GCN1: variants seen among roughly 807,000 people sequenced by gnomAD.
GCN1 encodes the protein GCN1 activator of EIF2AK4.
GCN1 carries 90 observed loss-of-function variants against 288.4 expected under a neutral mutation model. That is an observed-to-expected ratio of 0.31 (90% confidence interval 0.26 to 0.37). The LOEUF (loss-of-function observed/expected upper bound fraction) is 0.37, where lower values mean the gene tolerates loss of function less well. Ranked by LOEUF, GCN1 falls within the 10% of genes least tolerant of loss-of-function variation. GCN1 has a pLI of 1.00. For synonymous variants in GCN1, 1,386 were observed against 1,420.2 expected, an observed-to-expected ratio of 0.98 and a Z score of 0.54; for missense variants, 2,586 against 3,419.9, an observed-to-expected ratio of 0.76 and a Z score of 6.08.
chr12:120,164,836 G>T, intron 16 of GCN1, 115 bp from the exon 17 acceptor site: 2 of 599,878 alleles, frequency 3.3e-6, no homozygotes, highest in East Asian at 3.0e-5. Context: ...ATATAAATGT[G>T]ATTATCACTC....
At chr12:120,141,161 C>T (rs1408171057) in intron 44 of GCN1, 138 bp from the exon 45 acceptor site, 3 of 704,072 alleles carry the variant, frequency 4.3e-6, no homozygotes, top group Non-Finnish European at 4.8e-6. Flanking sequence ...TGCTCTTACC[C>T]CTAAAGAGCC....
chr12:120,156,518 G>A lies in GCN1; in HGVS notation c.3255C>T (p.Asp1085=), dbSNP rs546042907. 8.1e-6 allele frequency: 13 copies of A among 1,614,026 alleles called. No homozygotes were observed. The East Asian group carries it at 8.9e-5, about 11-fold the overall frequency. ...GGGACTGCAAGGCACAGAGCAGCAC[G>A]TCCACCTCCTCCTGCTCTGCAAAGG... The part of the protein sequence containing the change: ...GCAFAEQEEV[D]VLLCALQSPC... Residue 1085 remains aspartate, a synonymous_variant, in exon 28 of 58, where the codon GAC becomes GAT. Coordinates refer to ENST00000300648, the MANE Select transcript of GCN1 (RefSeq NM_006836.2). This position sits in a 1 kb window ranked among gnomAD's most constrained non-coding sequence, Gnocchi z 5.8.
In GCN1 at chr12:120,142,792, A is replaced by G; in HGVS notation, c.5613+32T>C. ...CATGGGCATCAGGGCACACCCTACC[A>G]TCAGCAGGGGCAGGAAAGCCACTGC... On this transcript the variant is annotated intron_variant, in intron 43 of 57. Transcript: ENST00000300648. This position sits in a 1 kb window ranked among gnomAD's most constrained non-coding sequence, Gnocchi z 4.9. 6.3e-7 allele frequency: 1 copy of G among 1,590,702 alleles called. No individual in the cohort carries two copies. The highest frequency in any genetic ancestry group is 8.6e-7 in the Non-Finnish European group (1 of 1,158,670).
intron 2 of GCN1, among the ~76,000 whole-genome samples, chr12:120,187,049 A>C (rs1878843791): frequency 6.6e-6 from 1 of 152,154 alleles, no homozygotes; most frequent in South Asian, 2.1e-4. Flanking sequence ...GCATTAACAC[A>C]CAAGAGACTC....
In GCN1 at chr12:120,161,527, G is replaced by T. The variant is rs1369418590; in HGVS notation, c.2399C>A (p.Ser800Tyr). Residue 800 changes from serine to tyrosine, a missense_variant, in exon 22 of 58, where the codon TCC (serine) becomes TAC (tyrosine). Physicochemically the swap from Ser to Tyr is moderately radical, Grantham distance 144. Around this residue, in one of 8 missense-constraint regions of GCN1, gnomAD observed 913 missense variants for 1,107.0 expected, o/e 0.82. Transcript: ENST00000300648. ...CAGCTCGATGATCTGCTCTTTGAAGGAATAAGCTTTGTTCTCTCGCTTCAT... is the reference window on the plus strand; with the variant it reads ...CAGCTCGATGATCTGCTCTTTGAAGTAATAAGCTTTGTTCTCTCGCTTCAT... Reference protein sequence around the residue: ...ANMKRENKAYSFKEQIIELEL... With the variant: ...ANMKRENKAYYFKEQIIELEL... 6.2e-7 allele frequency: 1 copy of T among 1,613,956 alleles called. No homozygotes were observed. The highest frequency in any genetic ancestry group is 1.7e-4 in the Middle Eastern group (1 of 6,056).
intron 5 of GCN1, among the ~76,000 whole-genome samples, chr12:120,183,306 G>A (rs570484111): frequency 6.6e-6 from 1 of 152,248 alleles, no homozygotes; most frequent in African/African-American, 2.4e-5. Context: ...ATGAAATCAG[G>A]GGCCTCATTT....
intron 14 of GCN1, among the ~76,000 whole-genome samples, chr12:120,171,522 G>C (rs770673073): frequency 1.3e-5 from 2 of 151,864 alleles, no homozygotes; most frequent in Non-Finnish European, 2.9e-5. Flanking sequence ...CCAACACCTT[G>C]GTTTGTTGTT....
chr12:120,159,825 C>A lies in GCN1; in HGVS notation c.2749G>T (p.Gly917Cys). 1 of 1,613,908 alleles carries A rather than the reference C, an allele frequency of 6.2e-7. No homozygotes were observed. The highest frequency in any genetic ancestry group is 8.5e-7 in the Non-Finnish European group (1 of 1,179,830). Residue 917 changes from glycine to cysteine, a missense_variant and splice_region_variant, in exon 24 of 58, where the codon GGC (glycine) becomes TGC (cysteine). By Grantham distance (159) the Gly-to-Cys change is radical. Around this residue, in one of 8 missense-constraint regions of GCN1, gnomAD observed 153 missense variants for 252.0 expected, o/e 0.61. Coordinates refer to ENST00000300648, the MANE Select transcript of GCN1 (RefSeq NM_006836.2). ...CTGCAGCCAGCAAACAAGGACTAACCCAAAGCCTTGAGCCTAGAGGGCATG... is the reference window on the plus strand; with the variant it reads ...CTGCAGCCAGCAAACAAGGACTAACACAAAGCCTTGAGCCTAGAGGGCATG... ...CVMPSRLKAL[G>C]TLVSHVTLRL...
Position 120,158,029 on chromosome 12 carries a change from A to T in GCN1, c.2907T>A (p.Gly969=). ...AGGCTGGCGCGGACAAGGGCGCAGC[A>T]CCTGTGAGAGCGAGAAGCAGATAAG... is the stretch of plus-strand genomic sequence containing the variant. ...ITSRVGKGEP[G]AAPLSAPAFS... Residue 969 remains glycine (G), a splice_region_variant and synonymous_variant, in exon 26 of 58, where the codon GGT becomes GGA. Coordinates refer to ENST00000300648, the MANE Select transcript of GCN1 (RefSeq NM_006836.2). This position sits in a 1 kb window ranked among gnomAD's most constrained non-coding sequence, Gnocchi z 4.3. 6.2e-7 allele frequency: 1 copy of T among 1,613,568 alleles called. No homozygotes were observed. Among genetic ancestry groups the T allele is most frequent in the Non-Finnish European group, 8.5e-7 (1 of 1,179,796 alleles).
rs368329766 is a variant in GCN1, at chr12:120,138,352, G to A, written c.6220C>T (p.Arg2074Cys). Residue 2074 changes from arginine to cysteine, a missense_variant, in exon 47 of 58, where the codon CGT (arginine) becomes TGT (cysteine). Physicochemically the swap from Arg to Cys is radical, Grantham distance 180. Around this residue, in one of 8 missense-constraint regions of GCN1, gnomAD observed 437 missense variants for 570.5 expected, o/e 0.77. Transcript: ENST00000300648. ...GGCACAAGGTAGGGCAGCACCACACGACTCTTAATAGCCATGACTTGCTTC... is the reference window on the plus strand; with the variant it reads ...GGCACAAGGTAGGGCAGCACCACACAACTCTTAATAGCCATGACTTGCTTC... ...GLKQVMAIKS[R>C]VVLPYLVPKL... 5 of 1,609,128 alleles carry A rather than the reference G, an allele frequency of 3.1e-6. No homozygotes were observed. Among genetic ancestry groups the A allele is most frequent in the African/African-American group, 1.3e-5 (1 of 74,840 alleles).
At chr12:120,129,693 GC>G (rs1303879803) in intron 56 of GCN1, among the ~76,000 whole-genome samples, 199 bp from the exon 57 acceptor site, 5 of 152,062 alleles carry the variant, frequency 3.3e-5, no homozygotes, top group African/African-American at 1.2e-4. Flanking sequence ...ACTACTCTCA[GC>G]CCGCATGCGT....
chr12:120,183,594 C>T lies in GCN1; in HGVS notation c.401G>A (p.Arg134Gln), dbSNP rs891716538. Residue 134 changes from arginine (R) to glutamine (Q), a missense_variant, in exon 5 of 58, where the codon CGA becomes CAA. Arg to Gln is a conservative substitution (Grantham distance 43). Around this residue, in one of 8 missense-constraint regions of GCN1, gnomAD observed 913 missense variants for 1,107.0 expected, o/e 0.82. Coordinates refer to ENST00000300648, the MANE Select transcript of GCN1 (RefSeq NM_006836.2). Reference protein sequence around the residue: ...VRIVFPSRAKRQGDIWNKLVE... With the variant: ...VRIVFPSRAKQQGDIWNKLVE... ...CAGTTTGTTCCAGATGTCTCCTTGT[C>T]GCTTGGCTCTCGATGGAAAGACAAT... 14 of 1,611,932 alleles carry T rather than the reference C, an allele frequency of 8.7e-6. No individual in the cohort carries two copies. Among genetic ancestry groups the T allele is most frequent in the South Asian group, 3.3e-5 (3 of 91,032 alleles).
rs571408162 is a variant in GCN1 at position 120,138,673 on chromosome 12, G to A, written c.6156+22C>T. ...ACGGCAAAAGCCAAACTGGTAGGTA[G>A]GTGTGTGGTAGATCCACTCACCAGC... On this transcript the variant is annotated intron_variant, in intron 46 of 57. Coordinates refer to ENST00000300648, the MANE Select transcript of GCN1 (RefSeq NM_006836.2). The A allele has an allele frequency of 1.7e-5, 27 of 1,603,216 alleles. No homozygotes were observed. In the East Asian group the frequency reaches 2.5e-4, roughly 15 times the overall value.
intron 7 of GCN1, 60 bp downstream of exon 7, chr12:120,178,565 C>T: frequency 3.8e-6 from 6 of 1,580,026 alleles, no homozygotes; most frequent in Admixed American, 1.7e-5. Context: ...TCCTTCCCTC[C>T]AGCGAGCTCC....
Position 120,155,427 on chromosome 12 carries a change from G to A in GCN1, c.3444C>T (p.Leu1148=), listed in dbSNP as rs1189169768. 2 of 1,612,916 alleles carry A rather than the reference G, an allele frequency of 1.2e-6. No individual in the cohort carries two copies. Among genetic ancestry groups the A allele is most frequent in the South Asian group, 1.1e-5 (1 of 91,080 alleles). Reference sequence around the variant, plus strand: ...GCAGGTCTAGGCCCATCATTGACCAGAGCCTGTGGGAGATCCAAGGCAGGG... The same window carrying A: ...GCAGGTCTAGGCCCATCATTGACCAAAGCCTGTGGGAGATCCAAGGCAGGG... ...EEEIRKLAER[L]WSMMGLDLQP... Residue 1148 remains leucine, a synonymous_variant, in exon 30 of 58, where the codon CTC becomes CTT. Transcript: ENST00000300648. This position sits in a 1 kb window ranked among gnomAD's most constrained non-coding sequence, Gnocchi z 4.9.
At chr12:120,164,996 CATATAT>C (rs199612431) in intron 16 of GCN1, among the ~76,000 whole-genome samples, 1 of 108,876 alleles carries the variant, frequency 9.2e-6, no homozygotes, top group African/African-American at 3.4e-5. Context: ...CATATATACA[CATATAT>C]ACACACACAC....
At position 120,127,630 on chromosome 12, in the gene GCN1, G is replaced by A. The variant is rs1876659136; in HGVS notation, c.*219C>T. The A allele has an allele frequency of 5.4e-6, 3 of 554,122 alleles. No homozygotes were observed. In the South Asian group the frequency reaches 6.1e-5, roughly 11 times the overall value. The allele number at this position is 554,122 out of a possible 1,614,324, so 34.3% of individuals were successfully genotyped here. ...GCCATTTGCTGAGGCGCATGCGTGT[G>A]CTTTTCCTTCTCTTCTCCACAGGAA... On this transcript the variant is annotated 3_prime_UTR_variant, in exon 58 of 58. Coordinates refer to ENST00000300648, the MANE Select transcript of GCN1 (RefSeq NM_006836.2).
chr12:120,168,134 A>G, intron 16 of GCN1, 74 bp downstream of exon 16: 1 of 929,478 alleles, frequency 1.1e-6, no homozygotes, highest in Non-Finnish European at 1.8e-6. Context: ...TTGGTCAAGA[A>G]AGGGTCCTCT....
At chr12:120,190,649 A>C (rs2136120454) in intron 1 of GCN1, among the ~76,000 whole-genome samples, 1 of 152,226 alleles carries the variant, frequency 6.6e-6, no homozygotes, top group Middle Eastern at 3.4e-3. Context: ...ACATTGTCAA[A>C]TGTCTCCTGG....
Sources: gnomAD v4.1 joint callset for allele counts (sites outside exome capture counted in the v4.1 genomes callset) on GRCh38, gnomAD v4.1.1 for gene constraint, gnomAD v4.1.1 regional missense constraint, Gnocchi (gnomAD v3.1) non-coding constraint, MANE v1.5 for transcripts, NCBI Gene and HGNC (gene_info 2026-07-23, HGNC 2026-07-21) for gene names.